FMN1: variants seen among roughly 807,000 people sequenced by gnomAD.
FMN1 encodes formin-1.
FMN1 carries 110 observed loss-of-function variants against 132.4 expected under a neutral mutation model. The ratio of observed to expected loss-of-function variants is 0.83; its 90% CI spans 0.71 to 0.97. The LOEUF is 0.97. Among genes scored for constraint, FMN1 ranks in the 50% least tolerant of loss-of-function variants. The pLI is 0.00. For synonymous variants in FMN1, 722 were observed against 651.7 expected (o/e 1.11, Z -1.64); for missense variants, 1,792 against 1,705.3 (o/e 1.05, Z -0.90).
chr15:33,081,114 T>C lies in FMN1; in HGVS notation c.2043+7685A>G, dbSNP rs377531702. On this transcript the variant is annotated intron_variant, in intron 5 of 20. Transcript: ENST00000616417. ...GGTACTCCACGGCAAAACTTCCGCTTCTTAAACCCTTGCATTTCGCTTGGA... is the reference window on the plus strand; with the variant it reads ...GGTACTCCACGGCAAAACTTCCGCTCCTTAAACCCTTGCATTTCGCTTGGA... Among the ~76,000 whole-genome samples the C allele has an allele frequency of 2.9e-4, 44 of 152,250 alleles. No individual in the cohort carries two copies. The East Asian group carries it at 8.5e-3, about 29-fold the overall frequency.
intron 3 of FMN1, among the ~76,000 whole-genome samples, chr15:33,155,534 T>G (rs781015408): frequency 6.6e-6 from 1 of 152,174 alleles, no homozygotes; most frequent in Non-Finnish European, 1.5e-5. Context: ...GAGCTCAAAT[T>G]ATCGATTCAA....
chr15:32,825,821 G>T (rs555052850), intron 17 of FMN1, among the ~76,000 whole-genome samples: 1 of 152,102 alleles, frequency 6.6e-6, no homozygotes, highest in Non-Finnish European at 1.5e-5. Flanking sequence ...TTTAAGCCGG[G>T]AGACCGTCTC....
Position 32,920,324 on chromosome 15 carries a change from G to T in FMN1, c.3226+5850C>A, listed in dbSNP as rs141028897. 1.2e-4 allele frequency among the ~76,000 whole-genome samples: 19 copies of T among 152,242 alleles called. No individual in the cohort carries two copies. In the East Asian group the frequency reaches 3.5e-3, roughly 28 times the overall value. ...GCAGATGGAAAACCAGCAGTAAGTA[G>T]ATTACTTATTCAGAGTCTCTCCTGG... On this transcript the variant is annotated intron_variant, in intron 10 of 20. Coordinates refer to ENST00000616417, the MANE Select transcript of FMN1 (RefSeq NM_001277313.2).
intron 4 of FMN1, among the ~76,000 whole-genome samples, chr15:33,144,977 G>A (rs978635603): frequency 6.6e-6 from 1 of 152,034 alleles, no homozygotes. Flanking sequence ...TCAAAAAACC[G>A]CTATGAAATT....
At chr15:32,899,682 GCTAT>G in intron 14 of FMN1, 1 of 411,268 alleles carries the variant, frequency 2.4e-6, no homozygotes, top group South Asian at 3.1e-5. Flanking sequence ...GGTACTGTAT[GCTAT>G]CTGTTTTGTT....
intron 12 of FMN1, among the ~76,000 whole-genome samples, chr15:32,905,284 A>G (rs1228247394): frequency 1.3e-5 from 2 of 152,250 alleles, no homozygotes; most frequent in African/African-American, 2.4e-5. Context: ...TCTGAATGGT[A>G]TCACCTAAGG....
chr15:32,847,275 T>G (rs112855948), intron 17 of FMN1, among the ~76,000 whole-genome samples: 12 of 94,614 alleles, frequency 1.3e-4, no homozygotes, highest in Admixed American at 4.1e-4. Context: ...GATGTAGGGG[T>G]GTGTGTGTGT....
At chr15:32,907,016 G>A (rs990183443) in intron 12 of FMN1, among the ~76,000 whole-genome samples, 2 of 152,098 alleles carry the variant, frequency 1.3e-5, no homozygotes, top group African/African-American at 4.8e-5. Context: ...GTTTTCCTGA[G>A]TCTAAATGTC....
intron 19 of FMN1, among the ~76,000 whole-genome samples, chr15:32,785,161 C>CGTGTGT (rs1178285469): frequency 0.011 from 555 of 51,600 alleles, 19 homozygotes; most frequent in East Asian, 0.069. Context: ...TGTATACGTA[C>CGTGTGT]GTGTGTGTGT....
chr15:32,929,300 A>C (rs2061044060), intron 9 of FMN1, among the ~76,000 whole-genome samples: 1 of 152,230 alleles, frequency 6.6e-6, no homozygotes, highest in Non-Finnish European at 1.5e-5. Context: ...AAATACCACC[A>C]GGTTTCTCAA....
At chr15:32,776,409 C>T (rs2056418936) in intron 20 of FMN1, among the ~76,000 whole-genome samples, 1 of 152,184 alleles carries the variant, frequency 6.6e-6, no homozygotes, top group East Asian at 1.9e-4. Flanking sequence ...TGCTAAGTGA[C>T]CCTGGGTAGG....
chr15:32,862,484 C>T (rs2059293289), intron 16 of FMN1, among the ~76,000 whole-genome samples: 1 of 152,186 alleles, frequency 6.6e-6, no homozygotes, highest in Non-Finnish European at 1.5e-5. Context: ...AATATTTTCA[C>T]TTACAGGTTA....
At chr15:33,026,593 A>C (rs923978144) in intron 6 of FMN1, among the ~76,000 whole-genome samples, 9 of 152,218 alleles carry the variant, frequency 5.9e-5, no homozygotes, top group African/African-American at 2.2e-4. Flanking sequence ...TGATTATATA[A>C]TGCATATATA....
At chr15:32,973,495 T>C (rs141242779) in intron 7 of FMN1, among the ~76,000 whole-genome samples, 41 of 152,288 alleles carry the variant, frequency 2.7e-4, no homozygotes, top group African/African-American at 9.9e-4. Context: ...TGAATTTCCA[T>C]GTACCATACA....
chr15:33,058,092 G>A (rs892561516), intron 6 of FMN1, among the ~76,000 whole-genome samples: 4 of 151,892 alleles, frequency 2.6e-5, no homozygotes, highest in Non-Finnish European at 5.9e-5. Context: ...TGATGGGGGT[G>A]CTGGTGGAAA....
intron 17 of FMN1, among the ~76,000 whole-genome samples, chr15:32,817,863 T>A (rs931753953): frequency 6.6e-6 from 1 of 152,192 alleles, no homozygotes; most frequent in Non-Finnish European, 1.5e-5. Flanking sequence ...TGAAGAAAAA[T>A]TTGTACAAAC....
intron 10 of FMN1, among the ~76,000 whole-genome samples, chr15:32,921,036 TCTC>T (rs752221834): frequency 6.6e-6 from 1 of 152,138 alleles, no homozygotes; most frequent in Non-Finnish European, 1.5e-5. Flanking sequence ...CAGTGAGCAG[TCTC>T]CTTCTCAGAG....
intron 17 of FMN1, among the ~76,000 whole-genome samples, chr15:32,848,575 T>A (rs771584005): frequency 2.0e-5 from 3 of 152,170 alleles, no homozygotes; most frequent in Non-Finnish European, 4.4e-5. Flanking sequence ...ATGAAAGTAA[T>A]GAGACTGTGA....
chr15:32,777,815 T>C lies in FMN1; in HGVS notation c.4131-896A>G, dbSNP rs1449854928. 1.6e-5 allele frequency among the ~76,000 whole-genome samples: 2 copies of C among 122,250 alleles called. 1 individual carries two copies. The highest frequency in any genetic ancestry group is 6.4e-5 in the African/African-American group (2 of 31,356). The allele number at this position is 122,250 out of a possible 152,430, so 80.2% of individuals were successfully genotyped here. Reference sequence around the variant, plus strand: ...TATATTATGTATAATATAATACATTTATTTATATATTATGTATAATATATA... The same window carrying C: ...TATATTATGTATAATATAATACATTCATTTATATATTATGTATAATATATA... On this transcript the variant is annotated intron_variant, in intron 19 of 20. Transcript: ENST00000616417.
Sources: allele counts gnomAD v4.1 joint callset (sites outside exome capture counted in the v4.1 genomes callset), GRCh38; gene constraint gnomAD v4.1.1; transcripts MANE v1.5; gene names NCBI Gene and HGNC (gene_info 2026-07-23, HGNC 2026-07-21).